Variants in ZCRB1 observed in about 807,000 individuals in gnomAD.
ZCRB1 encodes the protein zinc finger CCHC-type and RNA-binding motif-containing protein 1.
A neutral mutation model predicts 29.9 loss-of-function variants in ZCRB1; 21 were observed. The observed-to-expected ratio is 0.70, with a 90% CI of 0.50 to 1.01. The LOEUF is 1.01. Ranked by LOEUF, ZCRB1 falls within the 50% of genes least tolerant of loss-of-function variation. ZCRB1 has a pLI of 0.00. For synonymous variants in ZCRB1, 77 were observed against 80.0 expected, an observed-to-expected ratio of 0.96 and a Z score of 0.20; for missense variants, 204 against 253.3, an observed-to-expected ratio of 0.81 and a Z score of 1.32.
At chr12:42,322,306 T>C (rs1042756768) in intron 3 of ZCRB1, 112 bp downstream of exon 3, 4 of 1,055,864 alleles carry the variant, frequency 3.8e-6, no homozygotes, top group Non-Finnish European at 5.2e-6. Context: ...AATAGTATTT[T>C]CTTTATTATA....
intron 5 of ZCRB1, 122 bp downstream of exon 5, chr12:42,317,218 A>C: frequency 1.6e-6 from 1 of 644,494 alleles, no homozygotes; most frequent in Non-Finnish European, 2.5e-6. Context: ...TAAATATTAA[A>C]AAATAAAGCA....
intron 5 of ZCRB1, 59 bp from the exon 6 acceptor site, chr12:42,314,045 ACTTGCCTGGT>A: frequency 6.5e-7 from 1 of 1,540,428 alleles, no homozygotes; most frequent in Non-Finnish European, 8.7e-7. Flanking sequence ...ATTTATAAAA[ACTTGCCTGGT>A]ACCTTATTAC....
chr12:42,317,488 G>T, intron 4 of ZCRB1, 41 bp from the exon 5 acceptor site: 1 of 1,436,006 alleles, frequency 7.0e-7, no homozygotes. Flanking sequence ...GTATTTCACT[G>T]AAACCTAAAA....
At chr12:42,322,598 G>T in intron 2 of ZCRB1, 152 bp from the exon 3 acceptor site, 1 of 678,560 alleles carries the variant, frequency 1.5e-6, no homozygotes, top group Non-Finnish European at 2.2e-6. Context: ...AGTTTTTTTT[G>T]GTTACTAGAA....
intron 5 of ZCRB1, among the ~76,000 whole-genome samples, chr12:42,315,639 A>C (rs2068591200): frequency 6.6e-6 from 1 of 152,222 alleles, no homozygotes; most frequent in South Asian, 2.1e-4. Flanking sequence ...AATGTAAAAA[A>C]TATAACAACT....
In ZCRB1 at chr12:42,312,298, TTA is replaced by T. The variant is rs2068573435; in HGVS notation, c.*767_*768del. On this transcript the variant is annotated 3_prime_UTR_variant, in exon 8 of 8. Coordinates refer to ENST00000266529, the MANE Select transcript of ZCRB1 (RefSeq NM_033114.4). ...CCACCTGCAGACAGAATGGGAAGAT[TTA>T]GTCATAAATACAAAGACAATACATG... 1 of 152,236 alleles carries T rather than the reference TTA, an allele frequency of 6.6e-6. No homozygotes were observed. Among genetic ancestry groups the T allele is most frequent in the East Asian group, 1.9e-4 (1 of 5,186 alleles). 9.4% of individuals were successfully genotyped at this position (152,236 alleles called of 1,614,324 possible).
intron 3 of ZCRB1, among the ~76,000 whole-genome samples, chr12:42,320,932 G>T (rs2068618246): frequency 6.6e-6 from 1 of 152,076 alleles, no homozygotes; most frequent in African/African-American, 2.4e-5. Flanking sequence ...TCCATCTCTG[G>T]AGCCACCTTG....
chr12:42,312,972 A>ATGAT lies in ZCRB1; in HGVS notation c.*91_*94dup, dbSNP rs1226119323. The ATGAT allele has an allele frequency of 1.6e-6, 2 of 1,223,330 alleles. No individual in the cohort carries two copies. Among genetic ancestry groups the ATGAT allele is most frequent in the Non-Finnish European group, 2.2e-6 (2 of 928,550 alleles). 75.8% of individuals were successfully genotyped at this position (1,223,330 alleles called of 1,614,324 possible). A position where few individuals can be genotyped will look rare whatever the true frequency, so the allele number is the denominator to read the frequency against. ...TTGGGATGACAATAATAGTATTAAC[A>ATGAT]TGATAGTATTAATTTTTCTTATTTT... On this transcript the variant is annotated 3_prime_UTR_variant, in exon 8 of 8. Transcript: ENST00000266529.
At chr12:42,323,176 A>G (rs2068629879) in intron 2 of ZCRB1, among the ~76,000 whole-genome samples, 1 of 152,194 alleles carries the variant, frequency 6.6e-6, no homozygotes, top group Non-Finnish European at 1.5e-5. Context: ...TTTTCGTTCT[A>G]TGATTAAGCT....
intron 7 of ZCRB1, 120 bp from the exon 8 acceptor site, chr12:42,313,318 G>T: frequency 9.1e-7 from 1 of 1,094,460 alleles, no homozygotes; most frequent in African/African-American, 1.6e-5. Flanking sequence ...CCCAGTCCAT[G>T]CAGACAATAA....
At chr12:42,314,541 C>T (rs1325495608) in intron 5 of ZCRB1, among the ~76,000 whole-genome samples, 6 of 150,216 alleles carry the variant, frequency 4.0e-5, no homozygotes, top group East Asian at 3.9e-4. Flanking sequence ...GAGATCATTC[C>T]GTTGCACTCC....
chr12:42,319,153 T>A (rs1028131524), intron 3 of ZCRB1, among the ~76,000 whole-genome samples: 3 of 152,210 alleles, frequency 2.0e-5, no homozygotes, highest in African/African-American at 7.2e-5. Context: ...TCAAAAGAAG[T>A]ATTGGCTTTC....
chr12:42,325,482 T>C (rs1223088585), intron 1 of ZCRB1: 2 of 152,190 alleles, frequency 1.3e-5, no homozygotes, highest in African/African-American at 2.4e-5. Context: ...TATATAAAGT[T>C]TACAAATGTA....
chr12:42,319,928 C>G (rs779136197), intron 3 of ZCRB1, among the ~76,000 whole-genome samples: 1 of 152,172 alleles, frequency 6.6e-6, no homozygotes, highest in Non-Finnish European at 1.5e-5. Flanking sequence ...GTGCTAAGCA[C>G]TAACAGTAGT....
chr12:42,317,043 C>T (rs936079807), intron 5 of ZCRB1, among the ~76,000 whole-genome samples: 35 of 151,908 alleles, frequency 2.3e-4, no homozygotes, highest in African/African-American at 7.3e-4. Flanking sequence ...CCTGCCTCTA[C>T]AAAAAAATTT....
In ZCRB1 at chr12:42,317,799, T is replaced by C. The variant is rs1395373091; in HGVS notation, c.213A>G (p.Ile71Met). The change falls in exon 4 of 8, where the codon ATA (isoleucine) becomes ATG (methionine). Residue 71 changes from isoleucine to methionine, a missense_variant. Ile to Met is a conservative substitution (Grantham distance 10). Transcript: ENST00000266529. The stretch of plus-strand genomic sequence containing the variant: ...ATGAATAGCTTACCTGTTTGTTGTT[T>C]ATTGCCCTGGTACAGTTTTGTGCAG... The part of the protein sequence containing the change: ...KDSAQNCTRA[I>M]NNKQLFGRVI... 1.2e-6 allele frequency: 2 copies of C among 1,612,882 alleles called. No homozygotes were observed. Among genetic ancestry groups the C allele is most frequent in the African/African-American group, 1.3e-5 (1 of 75,000 alleles).
At chr12:42,318,774 G>A (rs1044298325) in intron 3 of ZCRB1, among the ~76,000 whole-genome samples, 2 of 152,184 alleles carry the variant, frequency 1.3e-5, no homozygotes, top group African/African-American at 2.4e-5. Flanking sequence ...GAGAGAGACG[G>A]AGGGAGGAAT....
chr12:42,323,958 G>T, intron 2 of ZCRB1, 61 bp downstream of exon 2: 2 of 1,375,224 alleles, frequency 1.5e-6, no homozygotes, highest in Non-Finnish European at 2.0e-6. Flanking sequence ...TTGCCAGGGA[G>T]AACTATTTGC....
intron 3 of ZCRB1, among the ~76,000 whole-genome samples, chr12:42,319,808 A>C (rs1409701017): frequency 6.6e-6 from 1 of 152,224 alleles, no homozygotes; most frequent in Admixed American, 6.5e-5. Flanking sequence ...ATACCTTTAT[A>C]TTCAATGGGA....
Sources: allele counts gnomAD v4.1 joint callset (sites outside exome capture counted in the v4.1 genomes callset), GRCh38; gene constraint gnomAD v4.1.1; transcripts MANE v1.5; gene names NCBI Gene and HGNC (gene_info 2026-07-23, HGNC 2026-07-21).